Variants in TENM4 observed in about 807,000 individuals in gnomAD.
TENM4 encodes teneurin transmembrane protein 4, also known as teneurin-4.
TENM4 carries 82 observed loss-of-function variants against 243.3 expected under a neutral mutation model. The observed-to-expected ratio is 0.34, with a 90% confidence interval of 0.28 to 0.40. The LOEUF (loss-of-function observed/expected upper bound fraction) is 0.40. Among genes scored for constraint, TENM4 ranks in the 10% least tolerant of loss-of-function variants. The probability of loss-of-function intolerance (pLI) is 1.00; values close to 1 mark genes in which losing one functional copy is unlikely to be tolerated. For synonymous variants in TENM4, 1,412 were observed against 1,456.3 expected (o/e 0.97, Z 0.69); for missense variants, 3,138 against 3,673.3 (o/e 0.85, Z 3.77).
At chr11:78,853,459 G>A (rs1418409981) in intron 12 of TENM4, among the ~76,000 whole-genome samples, 1 of 152,170 alleles carries the variant, frequency 6.6e-6, no homozygotes, top group Non-Finnish European at 1.5e-5. Context: ...GGGGCTCAGG[G>A]TGAACTGGGA....
At chr11:79,354,582 T>G (rs1352561176) in intron 1 of TENM4, among the ~76,000 whole-genome samples, 1 of 152,196 alleles carries the variant, frequency 6.6e-6, no homozygotes, top group Non-Finnish European at 1.5e-5. Flanking sequence ...CTGGTGATTT[T>G]TACTTAGAAA....
chr11:79,057,709 G>A (rs1859976883), intron 6 of TENM4, among the ~76,000 whole-genome samples: 1 of 152,166 alleles, frequency 6.6e-6, no homozygotes, highest in Non-Finnish European at 1.5e-5. Context: ...ACAGTGCCTG[G>A]TACATAGTAG....
intron 33 of TENM4, among the ~76,000 whole-genome samples, chr11:78,660,358 C>T (rs1483995765): frequency 6.6e-6 from 1 of 152,110 alleles, no homozygotes; most frequent in Non-Finnish European, 1.5e-5. Flanking sequence ...ATGCTTCATG[C>T]ACCTACTGTG....
chr11:78,907,860 C>G (rs1017427675), intron 6 of TENM4, among the ~76,000 whole-genome samples: 1 of 152,216 alleles, frequency 6.6e-6, no homozygotes, highest in African/African-American at 2.4e-5. Flanking sequence ...CCTCTTCTTA[C>G]AGATATAGCT....
intron 31 of TENM4, 109 bp from the exon 32 acceptor site, chr11:78,670,660 A>G: frequency 8.9e-7 from 1 of 1,125,172 alleles, no homozygotes; most frequent in Non-Finnish European, 1.3e-6. Context: ...GAGAATCCTG[A>G]GTTTCCATGG....
intron 4 of TENM4, among the ~76,000 whole-genome samples, chr11:79,131,292 A>C (rs1469230620): frequency 6.6e-6 from 1 of 152,216 alleles, no homozygotes; most frequent in Non-Finnish European, 1.5e-5. Context: ...ACACGAGGTA[A>C]CCTATAAGGG....
At chr11:78,911,825 T>C (rs1243300920) in intron 6 of TENM4, among the ~76,000 whole-genome samples, 2 of 152,226 alleles carry the variant, frequency 1.3e-5, no homozygotes, top group East Asian at 1.9e-4. Context: ...AAATTTCTTT[T>C]CTTTAGAAAT....
chr11:78,864,754 G>A (rs1206856113), intron 9 of TENM4, among the ~76,000 whole-genome samples: 3 of 152,256 alleles, frequency 2.0e-5, no homozygotes, highest in South Asian at 4.2e-4. Context: ...ATGACACCCT[G>A]GATGTAACAT....
At chr11:79,106,053 G>A (rs1418705572) in intron 4 of TENM4, among the ~76,000 whole-genome samples, 3 of 152,210 alleles carry the variant, frequency 2.0e-5, no homozygotes, top group Admixed American at 6.5e-5. Context: ...TAGTCACCAC[G>A]CTAATGTCTC....
At chr11:78,705,264 TA>T (rs1475847651) in intron 27 of TENM4, among the ~76,000 whole-genome samples, 1 of 152,130 alleles carries the variant, frequency 6.6e-6, no homozygotes, top group Admixed American at 6.5e-5. Context: ...ATGGGAAGAC[TA>T]GGGGGAGACA....
intron 13 of TENM4, among the ~76,000 whole-genome samples, chr11:78,812,696 C>T (rs943851047): frequency 2.0e-5 from 3 of 152,094 alleles, no homozygotes; most frequent in Non-Finnish European, 2.9e-5. Context: ...CAGCGCTCTC[C>T]TCTAATAACA....
At chr11:79,410,055 G>A (rs1334803356) in intron 1 of TENM4, among the ~76,000 whole-genome samples, 1 of 152,052 alleles carries the variant, frequency 6.6e-6, no homozygotes, top group Admixed American at 6.6e-5. Context: ...AAAAAAAATA[G>A]CAAAAAAACC....
chr11:78,961,619 CT>C (rs1291867768), intron 6 of TENM4, among the ~76,000 whole-genome samples: 4 of 152,190 alleles, frequency 2.6e-5, no homozygotes, highest in Admixed American at 2.0e-4. Context: ...AACTGGAGAA[CT>C]TTTAAAGCCA....
At chr11:79,111,518 C>A (rs1278808406) in intron 4 of TENM4, among the ~76,000 whole-genome samples, 1 of 152,140 alleles carries the variant, frequency 6.6e-6, no homozygotes, top group African/African-American at 2.4e-5. Context: ...GCACTCCAGT[C>A]TGGGCAACAG....
At chr11:78,973,568 G>A (rs920691096) in intron 6 of TENM4, among the ~76,000 whole-genome samples, 1 of 151,778 alleles carries the variant, frequency 6.6e-6, no homozygotes, top group Non-Finnish European at 1.5e-5. Context: ...TTTTCCCCAA[G>A]AATTTGTTTT....
chr11:79,066,071 T>C (rs1860238150), intron 5 of TENM4, among the ~76,000 whole-genome samples: 1 of 152,210 alleles, frequency 6.6e-6, no homozygotes. Context: ...GCCCTGGGCC[T>C]GTACTGAGAT....
intron 1 of TENM4, among the ~76,000 whole-genome samples, chr11:79,313,735 G>A (rs1856758445): frequency 6.6e-6 from 1 of 152,184 alleles, no homozygotes. Flanking sequence ...AGCTCCAGCA[G>A]TGACAACAGA....
At chr11:79,362,820 A>G (rs149657835) in intron 1 of TENM4, among the ~76,000 whole-genome samples, 18 of 152,382 alleles carry the variant, frequency 1.2e-4, no homozygotes, top group Non-Finnish European at 2.2e-4. Context: ...ATTAAATGAA[A>G]TTAACATAGA....
intron 1 of TENM4, among the ~76,000 whole-genome samples, chr11:79,314,804 A>T (rs1482926293): frequency 6.6e-6 from 1 of 152,214 alleles, no homozygotes; most frequent in South Asian, 2.1e-4. Context: ...TTGGCTACAC[A>T]TCACAGTCAC....
Sources: gnomAD v4.1 joint callset for allele counts (sites outside exome capture counted in the v4.1 genomes callset) on GRCh38, gnomAD v4.1.1 for gene constraint, MANE v1.5 for transcripts, NCBI Gene and HGNC (gene_info 2026-07-23, HGNC 2026-07-21) for gene names.